Variants in SPATA17 observed in about 807,000 individuals in gnomAD.
SPATA17 encodes spermatogenesis-associated protein 17.
A neutral mutation model predicts 62.2 loss-of-function variants in SPATA17; 53 were observed. That is an observed-to-expected ratio of 0.85 (90% CI 0.68 to 1.07). SPATA17 has a LOEUF of 1.07. Among genes scored for constraint, SPATA17 ranks in the 50% least tolerant of loss-of-function variants. SPATA17 has a pLI of 0.00. For synonymous variants in SPATA17, 146 were observed against 146.8 expected, an observed-to-expected ratio of 0.99 and a Z score of 0.04; for missense variants, 466 against 425.5, an observed-to-expected ratio of 1.10 and a Z score of -0.84.
At chr1:217,859,549 A>G (rs1057096664) in intron 9 of SPATA17, among the ~76,000 whole-genome samples, 6 of 152,008 alleles carry the variant, frequency 3.9e-5, no homozygotes, top group Admixed American at 6.6e-5. Context: ...CTGGGACTAC[A>G]GGTGTACACC....
intron 5 of SPATA17, chr1:217,738,007 G>A (rs1397363617): frequency 6.6e-6 from 1 of 152,192 alleles, no homozygotes; most frequent in East Asian, 1.9e-4. Context: ...TGTATTTTTA[G>A]TAGAGATGGG....
At chr1:217,635,510 C>T (rs569695085) in intron 1 of SPATA17, among the ~76,000 whole-genome samples, 21 of 152,166 alleles carry the variant, frequency 1.4e-4, no homozygotes, top group African/African-American at 4.6e-4. Context: ...TCCAGACCAG[C>T]CTGTCCAACA....
intron 1 of SPATA17, among the ~76,000 whole-genome samples, chr1:217,638,838 A>G (rs1669995545): frequency 1.3e-5 from 2 of 152,170 alleles, no homozygotes; most frequent in African/African-American, 4.8e-5. Context: ...AAAATGTAAT[A>G]GATGAATTAA....
chr1:217,764,802 A>G (rs1439651166), intron 6 of SPATA17, among the ~76,000 whole-genome samples: 1 of 152,178 alleles, frequency 6.6e-6, no homozygotes, highest in Non-Finnish European at 1.5e-5. Context: ...ATGACACATG[A>G]TAATGACTAT....
At chr1:217,846,800 G>A (rs1470584272) in intron 9 of SPATA17, among the ~76,000 whole-genome samples, 1 of 151,914 alleles carries the variant, frequency 6.6e-6, no homozygotes, top group Admixed American at 6.6e-5. Flanking sequence ...TTATAAGAGT[G>A]GTTAATTTAC....
At chr1:217,751,020 T>C (rs1571780342) in intron 6 of SPATA17, among the ~76,000 whole-genome samples, 1 of 152,210 alleles carries the variant, frequency 6.6e-6, no homozygotes, top group African/African-American at 2.4e-5. Flanking sequence ...AACTGTATCC[T>C]ACCTTTATGA....
intron 1 of SPATA17, among the ~76,000 whole-genome samples, chr1:217,645,728 T>G (rs1670166651): frequency 6.6e-6 from 1 of 152,180 alleles, no homozygotes; most frequent in Admixed American, 6.5e-5. Context: ...GTTGTATCTT[T>G]TCCATGTTGG....
At chr1:217,780,744 T>C (rs1673710623) in intron 7 of SPATA17, among the ~76,000 whole-genome samples, 1 of 152,200 alleles carries the variant, frequency 6.6e-6, no homozygotes. Flanking sequence ...AACAATGTAG[T>C]GGGAACCATT....
intron 6 of SPATA17, among the ~76,000 whole-genome samples, chr1:217,769,967 G>T (rs950475206): frequency 2.6e-5 from 4 of 152,180 alleles, no homozygotes; most frequent in African/African-American, 9.7e-5. Flanking sequence ...TATTTGCTGA[G>T]TGGGATTTTT....
chr1:217,779,559 A>G (rs1033183251), intron 7 of SPATA17, among the ~76,000 whole-genome samples: 1 of 149,974 alleles, frequency 6.7e-6, no homozygotes, highest in Non-Finnish European at 1.5e-5. Flanking sequence ...TCTTTTCTTA[A>G]CACCTTCTCC....
In SPATA17 at chr1:217,871,615, AT is replaced by A. The variant is rs1261393793; in HGVS notation, c.*4598del. ...GCATTAGGATAAATTTTTATTGAAA[AT>A]TGAGTGAATGACTGAACAAATCGCT... On this transcript the variant is annotated 3_prime_UTR_variant, in exon 11 of 11. Coordinates refer to ENST00000366933, the MANE Select transcript of SPATA17 (RefSeq NM_138796.4). The A allele has an allele frequency of 1.3e-5, 2 of 152,170 alleles. No homozygotes were observed. The highest frequency in any genetic ancestry group is 4.8e-5 in the African/African-American group (2 of 41,456). The allele number at this position is 152,170 out of a possible 1,614,324, so 9.4% of individuals were successfully genotyped here.
intron 9 of SPATA17, among the ~76,000 whole-genome samples, chr1:217,851,322 A>G (rs1198611353): frequency 6.6e-6 from 1 of 152,140 alleles, no homozygotes; most frequent in African/African-American, 2.4e-5. Context: ...CATGTATACT[A>G]TCAAGAATTA....
chr1:217,804,262 T>A (rs1218232304), intron 9 of SPATA17, among the ~76,000 whole-genome samples: 3 of 152,182 alleles, frequency 2.0e-5, no homozygotes, highest in Non-Finnish European at 4.4e-5. Context: ...ACATTTGTGC[T>A]CAATTGATCT....
At chr1:217,748,208 C>T (rs1405765485) in intron 6 of SPATA17, among the ~76,000 whole-genome samples, 1 of 149,104 alleles carries the variant, frequency 6.7e-6, no homozygotes, top group Non-Finnish European at 1.5e-5. Context: ...GAGGCTGAGG[C>T]AGGAGAATGG....
At chr1:217,801,119 T>C (rs1384498102) in intron 8 of SPATA17, among the ~76,000 whole-genome samples, 1 of 152,190 alleles carries the variant, frequency 6.6e-6, no homozygotes, top group Non-Finnish European at 1.5e-5. Flanking sequence ...ATACCTTACA[T>C]AAATTAAGTT....
At chr1:217,742,134 A>G (rs754691539) in intron 6 of SPATA17, 36 bp downstream of exon 6, 1 of 1,611,040 alleles carries the variant, frequency 6.2e-7, no homozygotes, top group African/African-American at 1.3e-5. Context: ...CCTGTAAGCC[A>G]CTTGGGCCCC....
In SPATA17 at chr1:217,649,404, G is replaced by A. The variant is rs150298869; in HGVS notation, c.158+433G>A. ...CCAGGCAGGAGAATCCCTTGAACCCGGAAGGCGAAGTTTGCAGTGAGCTGA... is the reference window on the plus strand; with the variant it reads ...CCAGGCAGGAGAATCCCTTGAACCCAGAAGGCGAAGTTTGCAGTGAGCTGA... On this transcript the variant is annotated intron_variant, in intron 2 of 10. Transcript: ENST00000366933. Among the ~76,000 whole-genome samples the A allele has an allele frequency of 2.0e-3, 303 of 152,224 alleles. 1 individual carries two copies. Among genetic ancestry groups the A allele is most frequent in the African/African-American group, 6.0e-3 (250 of 41,514 alleles).
intron 5 of SPATA17, among the ~76,000 whole-genome samples, chr1:217,686,605 G>T (rs1671221105): frequency 6.6e-6 from 1 of 151,880 alleles, no homozygotes; most frequent in African/African-American, 2.4e-5. Flanking sequence ...TAATTTCTTT[G>T]TTTCACAGAT....
In SPATA17 at chr1:217,733,005, G is replaced by C. The variant is rs1046488842; in HGVS notation, c.396-8970G>C. Reference sequence around the variant, plus strand: ...TTTTCAACCAAGTTGATTCAAAAATGCCAGAAGCAGAAAAAAAAATGATTT... The same window carrying C: ...TTTTCAACCAAGTTGATTCAAAAATCCCAGAAGCAGAAAAAAAAATGATTT... On this transcript the variant is annotated intron_variant, in intron 5 of 10. Coordinates refer to ENST00000366933, the MANE Select transcript of SPATA17 (RefSeq NM_138796.4). Among the ~76,000 whole-genome samples the C allele has an allele frequency of 1.1e-4, 16 of 151,932 alleles. 1 individual carries two copies. Among genetic ancestry groups the C allele is most frequent in the South Asian group, 2.1e-4 (1 of 4,816 alleles).
Sources: allele counts gnomAD v4.1 joint callset (sites outside exome capture counted in the v4.1 genomes callset), GRCh38; gene constraint gnomAD v4.1.1; transcripts MANE v1.5; gene names NCBI Gene and HGNC (gene_info 2026-07-23, HGNC 2026-07-21).